Variants in MYO3A observed in about 807,000 individuals in gnomAD.
MYO3A encodes myosin-IIIa.
A neutral mutation model predicts 192.7 loss-of-function variants in MYO3A; 180 were observed. That is an observed-to-expected ratio of 0.93 (90% CI 0.83 to 1.06). The LOEUF is 1.06. MYO3A is among the 50% of genes least tolerant of loss of function. The probability of loss-of-function intolerance (pLI) is 0.00; values close to 1 mark genes in which losing one functional copy is unlikely to be tolerated. For missense variants in MYO3A, 1,896 were observed against 1,905.0 expected (o/e 1.00, Z 0.09); for synonymous variants, 628 against 645.3 (o/e 0.97, Z 0.41).
rs1837576223 is a variant in MYO3A, at chr10:26,103,154, G to A, written c.1776+6472G>A. Among the ~76,000 whole-genome samples the A allele has an allele frequency of 2.6e-5, 4 of 152,230 alleles. No individual in the cohort carries two copies. In the South Asian group the frequency reaches 8.3e-4, roughly 32 times the overall value. ...AATCTCAGACTGCTGTGCTAGCAGT[G>A]AGTGAGGCTCTGTGGGCATGGAACC... On this transcript the variant is annotated intron_variant, in intron 17 of 34. Coordinates refer to ENST00000642920, the MANE Select transcript of MYO3A (RefSeq NM_017433.5).
At chr10:26,089,893 CATT>C (rs1836591144) in intron 15 of MYO3A, among the ~76,000 whole-genome samples, 1 of 152,086 alleles carries the variant, frequency 6.6e-6, no homozygotes, top group Non-Finnish European at 1.5e-5. Context: ...AAGTTTAAGC[CATT>C]AGTAGTAATA....
chr10:26,070,091 G>A lies in MYO3A; in HGVS notation c.1171-20G>A, dbSNP rs779569071. 9 of 1,542,734 alleles carry A rather than the reference G, an allele frequency of 5.8e-6. No homozygotes were observed. The highest frequency in any genetic ancestry group is 2.3e-5 in the East Asian group (1 of 44,428). On this transcript the variant is annotated intron_variant, in intron 12 of 34. Transcript: ENST00000642920. ...ATAAAAACAAAAAGCCCTACAAAATGTATTCTTTTTAACCTTTAGCATTCC... is the reference window on the plus strand; with the variant it reads ...ATAAAAACAAAAAGCCCTACAAAATATATTCTTTTTAACCTTTAGCATTCC...
chr10:26,067,558 G>A (rs1170546966), intron 11 of MYO3A, among the ~76,000 whole-genome samples: 1 of 152,134 alleles, frequency 6.6e-6, no homozygotes, highest in Non-Finnish European at 1.5e-5. Context: ...CAGCCTGTCT[G>A]TTACCATGGT....
At chr10:26,201,374 T>A in intron 33 of MYO3A, 69 bp downstream of exon 33, 1 of 1,256,034 alleles carries the variant, frequency 8.0e-7, no homozygotes. Context: ...TGTGTTCAAA[T>A]TATGATTTAA....
At chr10:26,053,022 A>G (rs1564498438) in intron 10 of MYO3A, among the ~76,000 whole-genome samples, 1 of 152,232 alleles carries the variant, frequency 6.6e-6, no homozygotes, top group East Asian at 1.9e-4. Flanking sequence ...CAAAATTCTT[A>G]TAGAAGGATT....
intron 4 of MYO3A, among the ~76,000 whole-genome samples, chr10:25,979,954 A>C (rs1839216494): frequency 6.6e-6 from 1 of 152,164 alleles, no homozygotes. Flanking sequence ...AAACAAGGAA[A>C]GGCCGGGCGC....
chr10:26,177,976 T>G lies in MYO3A; in HGVS notation c.4438+1131T>G, dbSNP rs1842413912. 2.0e-5 allele frequency among the ~76,000 whole-genome samples: 3 copies of G among 152,220 alleles called. 1 individual carries two copies. Reference sequence around the variant, plus strand: ...AAGCTGACCACAAATGGCTCTTTGGTGCCCTTCATTCCTGCTGCTCTCCTG... The same window carrying G: ...AAGCTGACCACAAATGGCTCTTTGGGGCCCTTCATTCCTGCTGCTCTCCTG... On this transcript the variant is annotated intron_variant, in intron 31 of 34. Coordinates refer to ENST00000642920, the MANE Select transcript of MYO3A (RefSeq NM_017433.5).
chr10:26,023,896 G>T, intron 8 of MYO3A, 126 bp from the exon 9 acceptor site: 1 of 849,760 alleles, frequency 1.2e-6, no homozygotes. Flanking sequence ...CTTGGAATTG[G>T]GAAAAGATGG....
intron 14 of MYO3A, among the ~76,000 whole-genome samples, chr10:26,081,133 T>TGCCCCCC: frequency 1.2e-5 from 1 of 84,980 alleles, no homozygotes; most frequent in Admixed American, 1.2e-4. Context: ...TATATGCCCT[T>TGCCCCCC]CCCCCCCCCC....
At chr10:26,003,713 CT>C (rs1840997596) in intron 6 of MYO3A, among the ~76,000 whole-genome samples, 1 of 152,026 alleles carries the variant, frequency 6.6e-6, no homozygotes, top group African/African-American at 2.4e-5. Context: ...ATGAAAGAGA[CT>C]AAATTTAAAG....
chr10:26,107,297 C>A (rs1458473941), intron 17 of MYO3A, among the ~76,000 whole-genome samples: 1 of 151,892 alleles, frequency 6.6e-6, no homozygotes, highest in Non-Finnish European at 1.5e-5. Flanking sequence ...CTGGCTAACA[C>A]AGTGAAACCC....
intron 2 of MYO3A, among the ~76,000 whole-genome samples, chr10:25,950,301 A>AT (rs113575759): frequency 0.043 from 6,598 of 152,146 alleles, 185 homozygotes; most frequent in Middle Eastern, 0.068. Flanking sequence ...TATTCCTTCC[A>AT]TTTTTTTCAA....
intron 2 of MYO3A, 139 bp from the exon 3 acceptor site, chr10:25,951,955 G>A: frequency 1.6e-6 from 1 of 631,098 alleles, no homozygotes; most frequent in East Asian, 3.0e-5. Context: ...CAAATTTCCT[G>A]TGACTCTGAA....
chr10:26,193,780 T>A (rs1843268531), intron 32 of MYO3A, among the ~76,000 whole-genome samples: 1 of 152,212 alleles, frequency 6.6e-6, no homozygotes, highest in Non-Finnish European at 1.5e-5. Context: ...CCTGGAAATA[T>A]CCCTGAATGT....
chr10:26,102,079 G>C (rs1425850372), intron 17 of MYO3A, among the ~76,000 whole-genome samples: 1 of 151,944 alleles, frequency 6.6e-6, no homozygotes, highest in Non-Finnish European at 1.5e-5. Context: ...CATATTTCTT[G>C]GAAGCTTTGT....
chr10:26,075,023 TG>T (rs1835442243), intron 14 of MYO3A, among the ~76,000 whole-genome samples: 1 of 152,122 alleles, frequency 6.6e-6, no homozygotes, highest in Non-Finnish European at 1.5e-5. Flanking sequence ...GTCCTCTTAG[TG>T]CCCCTGTCAA....
intron 17 of MYO3A, among the ~76,000 whole-genome samples, chr10:26,097,758 TACC>T: frequency 6.6e-6 from 1 of 152,364 alleles, no homozygotes; most frequent in Non-Finnish European, 1.5e-5. Flanking sequence ...GCTGTATATG[TACC>T]ACATTTTCTT....
At chr10:26,028,173 T>C (rs1842644276) in intron 10 of MYO3A, among the ~76,000 whole-genome samples, 3 of 152,250 alleles carry the variant, frequency 2.0e-5, no homozygotes, top group Admixed American at 2.0e-4. Flanking sequence ...ACAACAAGTC[T>C]GAGGAAAATA....
intron 14 of MYO3A, among the ~76,000 whole-genome samples, chr10:26,078,264 C>T (rs1472239308): frequency 6.6e-6 from 1 of 151,404 alleles, no homozygotes; most frequent in Non-Finnish European, 1.5e-5. Flanking sequence ...TTCATCTCTT[C>T]TAGGTTTTCT....
Sources: gnomAD v4.1 joint callset for allele counts (sites outside exome capture counted in the v4.1 genomes callset) on GRCh38, gnomAD v4.1.1 for gene constraint, MANE v1.5 for transcripts, NCBI Gene and HGNC (gene_info 2026-07-23, HGNC 2026-07-21) for gene names.